Variants in TMEM74B observed in about 807,000 individuals in gnomAD.
The protein encoded by TMEM74B is transmembrane protein 74B.
TMEM74B carries 7 observed loss-of-function variants against 6.5 expected under a neutral mutation model. That is an observed-to-expected ratio of 1.07 (90% CI 0.61 to 2.01). The LOEUF is 2.01. Among genes scored for constraint, TMEM74B ranks in the 30% most tolerant of loss-of-function variants. The pLI is 0.00. For missense variants in TMEM74B, 342 were observed against 337.0 expected, an observed-to-expected ratio of 1.01 and a Z score of -0.12; for synonymous variants, 151 against 151.6, an observed-to-expected ratio of 1.00 and a Z score of 0.03.
At chr20:1,188,471 A>G (rs1023025011), upstream of TMEM74B, among the ~76,000 whole-genome samples, 3 of 149,630 alleles carry the variant, frequency 2.0e-5, no homozygotes, top group East Asian at 2.0e-4. Flanking sequence ...CACACACTAC[A>G]CATACACTAC....
intron 2 of TMEM74B, among the ~76,000 whole-genome samples, chr20:1,183,308 G>GTT (rs1167522379): frequency 1.5e-4 from 22 of 144,322 alleles, no homozygotes; most frequent in African/African-American, 5.2e-4. Context: ...GTGTGTGTGT[G>GTT]TGTGTGTTTG....
At chr20:1,187,541 A>G (rs1360866149), upstream of TMEM74B, among the ~76,000 whole-genome samples, 10 of 152,254 alleles carry the variant, frequency 6.6e-5, no homozygotes, top group Non-Finnish European at 1.0e-4. Flanking sequence ...GCTACCAAAT[A>G]AAAGTATAGA....
At position 1,180,752 on chromosome 20, in the gene TMEM74B, A is replaced by T. The variant is rs1246610323; in HGVS notation, c.*96T>A. 1 of 1,488,112 alleles carries T rather than the reference A, an allele frequency of 6.7e-7. No homozygotes were observed. The highest frequency in any genetic ancestry group is 1.4e-5 in the African/African-American group (1 of 71,112). 92.2% of individuals were successfully genotyped at this position (1,488,112 alleles called of 1,614,324 possible). The stretch of plus-strand genomic sequence containing the variant: ...ACAAGGCCCTATGTGAGCTCAGTTT[A>T]AAACCCCAGGGCCTTGGCAGGGGTC... On this transcript the variant is annotated 3_prime_UTR_variant, in exon 3 of 3. Coordinates refer to ENST00000429036, the MANE Select transcript of TMEM74B (RefSeq NM_001304748.2). The surrounding 1 kb of genome is among the most constrained non-coding windows in gnomAD (Gnocchi z 6.1).
Position 1,181,728 on chromosome 20 carries a change from G to T in TMEM74B, c.32-141C>A. The T allele has an allele frequency of 1.1e-6, 1 of 940,126 alleles. No homozygotes were observed. The highest frequency in any genetic ancestry group is 1.4e-6 in the Non-Finnish European group (1 of 698,856). 58.2% of individuals were successfully genotyped at this position (940,126 alleles called of 1,614,324 possible). A position where few individuals can be genotyped will look rare whatever the true frequency, so the allele number is the denominator to read the frequency against. On this transcript the variant is annotated intron_variant, in intron 2 of 2. Transcript: ENST00000429036. The surrounding 1 kb of genome is among the most constrained non-coding windows in gnomAD (Gnocchi z 4.9). ...GTCTGCCAGACAGAGGGGAAGACAGGGAATAAGACGATGACAGAACAGTGT... is the reference window on the plus strand; with the variant it reads ...GTCTGCCAGACAGAGGGGAAGACAGTGAATAAGACGATGACAGAACAGTGT...
chr20:1,186,186 C>G (rs1393280492), upstream of TMEM74B: 1 of 152,352 alleles, frequency 6.6e-6, no homozygotes, highest in East Asian at 1.9e-4. Flanking sequence ...TTGCTCTTGT[C>G]TCTGACGGTC....
In TMEM74B at chr20:1,184,653, CACA is replaced by C. The variant is rs1413027111; in HGVS notation, c.-502_-500del. The C allele has an allele frequency of 1.4e-5, 2 of 143,456 alleles. No individual in the cohort carries two copies. The highest frequency in any genetic ancestry group is 6.8e-5 in the Admixed American group (1 of 14,618). 8.9% of individuals were successfully genotyped at this position (143,456 alleles called of 1,614,324 possible). A position where few individuals can be genotyped will look rare whatever the true frequency, so the allele number is the denominator to read the frequency against. ...ACACACACACACACACACACACACA[CACA>C]AAGTGCCCCTGGGAGTGAGACCCAA... On this transcript the variant is annotated 5_prime_UTR_variant, in exon 1 of 3. Coordinates refer to ENST00000429036, the MANE Select transcript of TMEM74B (RefSeq NM_001304748.2). This position sits in a 1 kb window ranked among gnomAD's most constrained non-coding sequence, Gnocchi z 6.0.
At chr20:1,182,534 C>G (rs1261939582) in intron 2 of TMEM74B, among the ~76,000 whole-genome samples, 1 of 151,976 alleles carries the variant, frequency 6.6e-6, no homozygotes, top group Non-Finnish European at 1.5e-5. Flanking sequence ...TTGGGGATGG[C>G]ATGGCTAAAA....
Position 1,181,037 on chromosome 20 carries a change from C to A in TMEM74B, c.582G>T (p.Leu194=), listed in dbSNP as rs759380562. 1.2e-6 allele frequency: 2 copies of A among 1,613,500 alleles called. No homozygotes were observed. The highest frequency in any genetic ancestry group is 2.2e-5 in the South Asian group (2 of 91,026). Residue 194 remains leucine (L), a synonymous_variant, in exon 3 of 3, where the codon CTG becomes CTT. Coordinates refer to ENST00000429036, the MANE Select transcript of TMEM74B (RefSeq NM_001304748.2). This position sits in a 1 kb window ranked among gnomAD's most constrained non-coding sequence, Gnocchi z 4.9. ...LTVGGMLLSV[L]LMVSLCKGEL... is the part of the protein sequence containing the mutation. Reference sequence around the variant, plus strand: ...CGCCCTTGCACAGGGAGACCATGAGCAGCACCGACAAGAGCATGCCGCCCA... The same window carrying A: ...CGCCCTTGCACAGGGAGACCATGAGAAGCACCGACAAGAGCATGCCGCCCA...
Position 1,181,088 on chromosome 20 carries a change from G to A in TMEM74B, c.531C>T (p.Ile177=). The change falls in exon 3 of 3, where the codon ATC becomes ATT. Residue 177 remains isoleucine (I), a synonymous_variant. Transcript: ENST00000429036. This position sits in a 1 kb window ranked among gnomAD's most constrained non-coding sequence, Gnocchi z 4.9. Reference sequence around the variant, plus strand: ...CCGTGAGCAGCCCGAGGCCTGCGATGATGCACCTGTCCAGGTGGGAGCCTA... The same window carrying A: ...CCGTGAGCAGCCCGAGGCCTGCGATAATGCACCTGTCCAGGTGGGAGCCTA... The part of the protein sequence containing the change: ...ARLGSHLDRC[I]IAGLGLLTVG... 6.2e-7 allele frequency: 1 copy of A among 1,613,968 alleles called. No homozygotes were observed. Among genetic ancestry groups the A allele is most frequent in the Non-Finnish European group, 8.5e-7 (1 of 1,179,970 alleles).
chr20:1,185,381 G>T (rs1484868721), upstream of TMEM74B: 7 of 151,670 alleles, frequency 4.6e-5, no homozygotes. Context: ...CACTGCCGAG[G>T]CGCACGTACC....
chr20:1,184,905 C>T lies in TMEM74B; in HGVS notation c.-751G>A, dbSNP rs2086979489. ...CAGAAAGCCCCAGCACGCCGGCTGC[C>T]CACCGCGCCCGCTCCCGCCGGCCCA... On this transcript the variant is annotated 5_prime_UTR_variant, in exon 1 of 3. Transcript: ENST00000429036. This position sits in a 1 kb window ranked among gnomAD's most constrained non-coding sequence, Gnocchi z 6.0. Among the ~76,000 whole-genome samples, 1 of 152,228 alleles carries T rather than the reference C, an allele frequency of 6.6e-6. No homozygotes were observed. The highest frequency in any genetic ancestry group is 2.4e-5 in the African/African-American group (1 of 41,472).
upstream of TMEM74B, among the ~76,000 whole-genome samples, chr20:1,187,244 C>T (rs2087033657): frequency 6.6e-6 from 1 of 152,186 alleles, no homozygotes; most frequent in African/African-American, 2.4e-5. Flanking sequence ...CTCTATAGCA[C>T]TTACCAACTG....
chr20:1,182,321 C>T (rs1341073276), intron 2 of TMEM74B, among the ~76,000 whole-genome samples: 1 of 152,074 alleles, frequency 6.6e-6, no homozygotes, highest in Admixed American at 6.5e-5. Flanking sequence ...GTGATGAGGG[C>T]ATTCTGGAAA....
In TMEM74B at chr20:1,181,695, T is replaced by G. The variant is rs902670798; in HGVS notation, c.32-108A>C. ...AAGGTGAGTCAGGCACAATTCCCAC[T>G]TGGGGGTGTCTGCCAGACAGAGGGG... is the stretch of plus-strand genomic sequence containing the variant. On this transcript the variant is annotated intron_variant, in intron 2 of 2. Coordinates refer to ENST00000429036, the MANE Select transcript of TMEM74B (RefSeq NM_001304748.2). This position sits in a 1 kb window ranked among gnomAD's most constrained non-coding sequence, Gnocchi z 4.9. 3 of 1,266,006 alleles carry G rather than the reference T, an allele frequency of 2.4e-6. No homozygotes were observed. Among genetic ancestry groups the G allele is most frequent in the Middle Eastern group, 2.0e-4 (1 of 4,932 alleles). The allele number at this position is 1,266,006 out of a possible 1,614,324, so 78.4% of individuals were successfully genotyped here.
In TMEM74B at chr20:1,181,475, G is replaced by A; in HGVS notation, c.144C>T (p.Pro48=). Residue 48 remains proline, a synonymous_variant, in exon 3 of 3, where the codon CCC becomes CCT. Transcript: ENST00000429036. This position sits in a 1 kb window ranked among gnomAD's most constrained non-coding sequence, Gnocchi z 4.9. ...CCCTGGTTGGGGCCACTGGGCCCAG[G>A]GGAGCTGATCTCCTTGGGGCTTGGG... The part of the protein sequence containing the change: ...NGPQAPRRSA[P]LGPVAPTREG... The A allele has an allele frequency of 6.6e-7, 1 of 1,513,766 alleles. No individual in the cohort carries two copies. Among genetic ancestry groups the A allele is most frequent in the Non-Finnish European group, 8.8e-7 (1 of 1,132,586 alleles). 93.8% of individuals were successfully genotyped at this position (1,513,766 alleles called of 1,614,324 possible).
At chr20:1,183,300 GTGTGTGTGTGTGTGTT>G (rs1485989636) in intron 2 of TMEM74B, among the ~76,000 whole-genome samples, 4 of 150,104 alleles carry the variant, frequency 2.7e-5, no homozygotes, top group Non-Finnish European at 4.5e-5. Flanking sequence ...CTGTGTGTGT[GTGTGTGTGTGTGTGTT>G]TGTGTGTGTG....
upstream of TMEM74B, among the ~76,000 whole-genome samples, chr20:1,185,781 TCCCCACTCCTCAC>T (rs1467180462): frequency 2.0e-5 from 3 of 148,948 alleles, no homozygotes; most frequent in African/African-American, 7.5e-5. Flanking sequence ...CGCAGGTGCC[TCCCCACTCCTCAC>T]CCCCACTCTG....
upstream of TMEM74B, chr20:1,185,269 T>A (rs2086992048): frequency 6.7e-6 from 1 of 149,130 alleles, no homozygotes. Context: ...GGGTCTCGCC[T>A]GCGGGGGTCT....
In TMEM74B at chr20:1,181,580, C is replaced by CA; in HGVS notation, c.38_39insT (p.Lys13AsnfsTer6). On this transcript the variant is annotated frameshift_variant, in exon 3 of 3. Coordinates refer to ENST00000429036, the MANE Select transcript of TMEM74B (RefSeq NM_001304748.2). LOFTEE classifies it high-confidence loss of function. This position sits in a 1 kb window ranked among gnomAD's most constrained non-coding sequence, Gnocchi z 4.9. ...AGGGCCCCAGCTCATCCCTTGGCCC[C>CA]TTGGCAGCTGGAAGAGAAAAAAGAA... 1.4e-6 allele frequency: 2 copies of CA among 1,450,206 alleles called. No individual in the cohort carries two copies. Among genetic ancestry groups the CA allele is most frequent in the South Asian group, 1.6e-5 (1 of 62,910 alleles). 89.8% of individuals were successfully genotyped at this position (1,450,206 alleles called of 1,614,324 possible).
Sources: allele counts gnomAD v4.1 joint callset (sites outside exome capture counted in the v4.1 genomes callset), GRCh38; gene constraint gnomAD v4.1.1; non-coding constraint Gnocchi (gnomAD v3.1); transcripts MANE v1.5; gene names NCBI Gene and HGNC (gene_info 2026-07-23, HGNC 2026-07-21).